Variants in FLVCR2 observed in about 807,000 individuals in gnomAD.
FLVCR2 encodes choline/ethanolamine transporter FLVCR2.
Under a neutral mutation model 48.9 loss-of-function variants are expected in FLVCR2, and 38 were observed. The ratio of observed to expected loss-of-function variants is 0.78; its 90% CI spans 0.60 to 1.02. FLVCR2 has a LOEUF of 1.02. FLVCR2 is among the 50% of genes least tolerant of loss of function. The pLI, the probability that FLVCR2 is intolerant of heterozygous loss-of-function variation, is 0.00. For missense variants in FLVCR2, 664 were observed against 663.3 expected, an observed-to-expected ratio of 1.00 and a Z score of -0.01; for synonymous variants, 255 against 257.0, an observed-to-expected ratio of 0.99 and a Z score of 0.07.
At position 75,633,774 on chromosome 14, in the gene FLVCR2, C is replaced by G. The variant is rs533371902; in HGVS notation, c.1020+78C>G. Reference sequence around the variant, plus strand: ...CTGTCTTGGCAGGACCTGGGATGACCGTTAAGTCTTCATTCCCCCCAGTTC... The same window carrying G: ...CTGTCTTGGCAGGACCTGGGATGACGGTTAAGTCTTCATTCCCCCCAGTTC... On this transcript the variant is annotated intron_variant, in intron 4 of 9. Transcript: ENST00000238667. 6.3e-5 allele frequency: 70 copies of G among 1,111,872 alleles called. 1 individual carries two copies. In the South Asian group the frequency reaches 8.4e-4, roughly 13 times the overall value. The allele number at this position is 1,111,872 out of a possible 1,614,324, so 68.9% of individuals were successfully genotyped here.
chr14:75,584,043 C>T (rs1227867868), intron 1 of FLVCR2, among the ~76,000 whole-genome samples: 1 of 152,178 alleles, frequency 6.6e-6, no homozygotes, highest in Non-Finnish European at 1.5e-5. Context: ...TCGGACAGTC[C>T]GACCTCCACT....
At position 75,639,305 on chromosome 14, in the gene FLVCR2, A is replaced by G. The variant is rs771304566; in HGVS notation, c.1125-47A>G. On this transcript the variant is annotated intron_variant, in intron 5 of 9. Transcript: ENST00000238667. ...GTGGAATAAATGAATGAATGAGCCTATTAAAGTCAGAAGTGTTTGATTCAA... is the reference window on the plus strand; with the variant it reads ...GTGGAATAAATGAATGAATGAGCCTGTTAAAGTCAGAAGTGTTTGATTCAA... 6 of 1,173,008 alleles carry G rather than the reference A, an allele frequency of 5.1e-6. No individual in the cohort carries two copies. The South Asian group carries it at 7.4e-5, about 14-fold the overall frequency. 72.7% of individuals were successfully genotyped at this position (1,173,008 alleles called of 1,614,324 possible).
In FLVCR2 at chr14:75,640,962, A is replaced by G; in HGVS notation, c.1243A>G (p.Met415Val). 1 of 1,613,134 alleles carries G rather than the reference A, an allele frequency of 6.2e-7. No homozygotes were observed. Among genetic ancestry groups the G allele is most frequent in the Admixed American group, 1.7e-5 (1 of 60,022 alleles). ...CTCTGGTCTGGTCTTCAGCTTCTTT[A>G]TGACTGGCTATCTCCCACTGGGATT... The part of the protein sequence containing the change: ...FITAGTMGFF[M>V]TGYLPLGFEF... The change falls in exon 7 of 10, where the codon ATG (methionine) becomes GTG (valine). Residue 415 changes from methionine to valine, a missense_variant. Met to Val is a conservative substitution (Grantham distance 21). Transcript: ENST00000238667.
intron 7 of FLVCR2, 29 bp downstream of exon 7, chr14:75,641,089 T>C: frequency 6.3e-7 from 1 of 1,595,914 alleles, no homozygotes; most frequent in Non-Finnish European, 8.6e-7. Context: ...GTTTGTTTCC[T>C]GGCTGGGAAG....
At chr14:75,627,553 G>A (rs1410724398) in intron 3 of FLVCR2, among the ~76,000 whole-genome samples, 1 of 152,206 alleles carries the variant, frequency 6.6e-6, no homozygotes, top group Non-Finnish European at 1.5e-5. Flanking sequence ...CTGTCTCATA[G>A]CCATTGGAGG....
At chr14:75,629,996 A>G (rs921240862) in intron 3 of FLVCR2, among the ~76,000 whole-genome samples, 10 of 152,198 alleles carry the variant, frequency 6.6e-5, no homozygotes, top group African/African-American at 2.4e-4. Context: ...AAAATCCTCC[A>G]GATTCCTGGG....
intron 1 of FLVCR2, among the ~76,000 whole-genome samples, chr14:75,603,718 C>G (rs1889221135): frequency 6.6e-6 from 1 of 152,156 alleles, no homozygotes; most frequent in Non-Finnish European, 1.5e-5. Flanking sequence ...CAGATACTCC[C>G]CCCTTAGATG....
chr14:75,599,666 A>G (rs1243025463), intron 1 of FLVCR2, among the ~76,000 whole-genome samples: 1 of 152,186 alleles, frequency 6.6e-6, no homozygotes. Flanking sequence ...TCAAAAAAGA[A>G]GAACAGCATC....
At chr14:75,599,333 C>CA (rs199736728) in intron 1 of FLVCR2, among the ~76,000 whole-genome samples, 3,223 of 151,376 alleles carry the variant, frequency 0.021, 48 homozygotes, top group Non-Finnish European at 0.033. Context: ...AACACCCCCC[C>CA]CCAAAAAATT....
intron 3 of FLVCR2, chr14:75,633,063 A>G (rs1259226145): frequency 1.5e-6 from 1 of 675,224 alleles, no homozygotes; most frequent in East Asian, 2.7e-5. Flanking sequence ...TGGTGAATGA[A>G]TTGGTAAAGT....
At chr14:75,645,038 GT>G (rs1566799316) in intron 9 of FLVCR2, among the ~76,000 whole-genome samples, 2 of 9,716 alleles carry the variant, frequency 2.1e-4, no homozygotes, top group Non-Finnish European at 4.8e-4. Flanking sequence ...GGCGTGGTGT[GT>G]GTGTGTGTGT....
chr14:75,580,488 T>C (rs1451104470), intron 1 of FLVCR2, among the ~76,000 whole-genome samples: 2 of 152,224 alleles, frequency 1.3e-5, no homozygotes, highest in Non-Finnish European at 1.5e-5. Context: ...TAACAAAGGA[T>C]TGGTAATCCT....
chr14:75,589,040 T>A (rs559276290), intron 1 of FLVCR2, among the ~76,000 whole-genome samples: 1 of 151,658 alleles, frequency 6.6e-6, no homozygotes, highest in African/African-American at 2.4e-5. Context: ...AGAACCAGCC[T>A]GGACAACATT....
intron 3 of FLVCR2, among the ~76,000 whole-genome samples, chr14:75,633,200 G>T (rs1474710600): frequency 2.0e-5 from 3 of 152,194 alleles, no homozygotes; most frequent in African/African-American, 7.2e-5. Flanking sequence ...CCTGCAGAGG[G>T]ATGGTGTCAG....
At chr14:75,646,366 T>A (rs757744139) in intron 9 of FLVCR2, 35 bp from the exon 10 acceptor site, 2 of 1,510,492 alleles carry the variant, frequency 1.3e-6, no homozygotes, top group Admixed American at 3.3e-5. Flanking sequence ...GCTGTGCCTT[T>A]ACCCACAGCA....
At chr14:75,623,879 C>T (rs944330843) in intron 2 of FLVCR2, among the ~76,000 whole-genome samples, 6 of 151,982 alleles carry the variant, frequency 3.9e-5, no homozygotes, top group Admixed American at 6.6e-5. Flanking sequence ...AGTGAAACCT[C>T]GTCTCTACTA....
At chr14:75,616,700 G>T (rs1889627621) in intron 1 of FLVCR2, among the ~76,000 whole-genome samples, 1 of 152,296 alleles carries the variant, frequency 6.6e-6, no homozygotes, top group East Asian at 1.9e-4. Flanking sequence ...GCTTGCCTTT[G>T]TCTGAATAGC....
At chr14:75,636,417 C>T (rs965423587) in intron 5 of FLVCR2, among the ~76,000 whole-genome samples, 1 of 152,238 alleles carries the variant, frequency 6.6e-6, no homozygotes, top group Non-Finnish European at 1.5e-5. Flanking sequence ...GACACAAGAG[C>T]AGTGAGGACT....
chr14:75,580,485 G>A (rs1048842635), intron 1 of FLVCR2, among the ~76,000 whole-genome samples: 5 of 152,226 alleles, frequency 3.3e-5, no homozygotes, highest in Non-Finnish European at 7.3e-5. Context: ...GTTTAACAAA[G>A]GATTGGTAAT....
Sources: allele counts gnomAD v4.1 joint callset (sites outside exome capture counted in the v4.1 genomes callset), GRCh38; gene constraint gnomAD v4.1.1; transcripts MANE v1.5; gene names NCBI Gene and HGNC (gene_info 2026-07-23, HGNC 2026-07-21).